The following GGT1 variants were observed in gnomAD, a reference collection of about 807,000 sequenced individuals.
The protein encoded by GGT1 is gamma-glutamyltransferase 1.
Under a neutral mutation model 56.0 loss-of-function variants are expected in GGT1, and 21 were observed. That is an observed-to-expected ratio of 0.38 (90% CI 0.27 to 0.54). The LOEUF (loss-of-function observed/expected upper bound fraction) is 0.54, where lower values mean the gene tolerates loss of function less well. GGT1 is among the 20% of genes least tolerant of loss of function. The pLI, the probability that GGT1 is intolerant of heterozygous loss-of-function variation, is 0.82. For missense variants in GGT1, 466 were observed against 787.0 expected, an observed-to-expected ratio of 0.59 and a Z score of 4.88; for synonymous variants, 238 against 342.6, an observed-to-expected ratio of 0.69 and a Z score of 3.37.
chr22:24,626,621 C>G (rs1281328026), intron 11 of GGT1, among the ~76,000 whole-genome samples: 11 of 151,768 alleles, frequency 7.2e-5, no homozygotes, highest in South Asian at 4.2e-4. Flanking sequence ...TCGGCGCCAT[C>G]CTTGATTCTT....
At chr22:24,610,108 A>G (rs548124690) in intron 3 of GGT1, 75 bp downstream of exon 3, 3 of 423,314 alleles carry the variant, frequency 7.1e-6, no homozygotes, top group East Asian at 7.6e-5. Context: ...TGCTGACCAC[A>G]TGCACATCCT....
chr22:24,589,786 G>T, the GGT1 span: 1 of 1,587,058 alleles, frequency 6.3e-7, no homozygotes, highest in Non-Finnish European at 8.6e-7. Context: ...GTCCACCACA[G>T]TGCCCAGCCC....
chr22:24,590,577 C>T (rs1007194968), upstream of GGT1, among the ~76,000 whole-genome samples: 4 of 152,210 alleles, frequency 2.6e-5, no homozygotes, highest in African/African-American at 2.4e-5. Context: ...TGGGGTCTTT[C>T]GTCTTATGGT....
chr22:24,602,888 T>C (rs1412059565), upstream of GGT1, among the ~76,000 whole-genome samples: 1 of 152,198 alleles, frequency 6.6e-6, no homozygotes, highest in African/African-American at 2.4e-5. Flanking sequence ...AGCCCAGCTC[T>C]GTGGCCCCAT....
At chr22:24,593,208 C>T (rs867922349), upstream of GGT1, 13 of 661,072 alleles carry the variant, frequency 2.0e-5, no homozygotes, top group African/African-American at 2.5e-4. Context: ...GTGGGTTCCT[C>T]GGTTTGGCCT....
In GGT1 at chr22:24,608,030, C is replaced by A. The variant is rs1463883029; in HGVS notation, c.-359+7C>A. On this transcript the variant is annotated splice_region_variant and intron_variant, in intron 2 of 15. Coordinates refer to ENST00000400382, the MANE Select transcript of GGT1 (RefSeq NM_001288833.2). ...CACTGTCCCCAGGCCTCAGGTAAGCCCATCAGGGTCCCAAGGAAGGGGGTC... is the reference window on the plus strand; with the variant it reads ...CACTGTCCCCAGGCCTCAGGTAAGCACATCAGGGTCCCAAGGAAGGGGGTC... 8 of 468,140 alleles carry A rather than the reference C, an allele frequency of 1.7e-5. No individual in the cohort carries two copies. The highest frequency in any genetic ancestry group is 3.1e-5 in the Non-Finnish European group (7 of 226,462). The allele number at this position is 468,140 out of a possible 1,614,324, so 29.0% of individuals were successfully genotyped here. A position where few individuals can be genotyped will look rare whatever the true frequency, so the allele number is the denominator to read the frequency against.
intron 5 of GGT1, among the ~76,000 whole-genome samples, chr22:24,611,596 ATCTACTAT>A (rs1306281743): frequency 3.5e-4 from 52 of 148,414 alleles, no homozygotes; most frequent in Non-Finnish European, 5.2e-4. Context: ...CTATCTATCT[ATCTACTAT>A]CTATCTATCT....
At chr22:24,592,388 T>TG (rs2045595484), upstream of GGT1, 2 of 470,702 alleles carry the variant, frequency 4.2e-6, no homozygotes, top group African/African-American at 4.0e-5. Flanking sequence ...AGACCAGCCC[T>TG]GGGTCCTCTC....
the GGT1 span, chr22:24,588,432 T>A: frequency 1.1e-6 from 1 of 897,944 alleles, no homozygotes; most frequent in South Asian, 1.5e-5. Context: ...GTGAGCACAG[T>A]CATGCACCAT....
At chr22:24,586,171 C>T in the GGT1 span, 110 of 1,613,488 alleles carry the variant, frequency 6.8e-5, no homozygotes, top group African/African-American at 8.7e-4. Context: ...CAGTGGCCCG[C>T]GTCAGTCGGT....
chr22:24,599,303 A>G (rs1477391837), upstream of GGT1: 1 of 151,788 alleles, frequency 6.6e-6, no homozygotes, highest in Non-Finnish European at 1.5e-5. Context: ...AGTCAGTGCA[A>G]AGTCCCAAAG....
intron 1 of GGT1, among the ~76,000 whole-genome samples, chr22:24,595,668 A>G (rs1212459924): frequency 6.6e-6 from 1 of 152,210 alleles, no homozygotes; most frequent in African/African-American, 2.4e-5. Context: ...CTAGGCTCCA[A>G]GTGGGACCTG....
At chr22:24,585,535 T>G in the GGT1 span, 2 of 309,562 alleles carry the variant, frequency 6.5e-6, no homozygotes, top group African/African-American at 4.3e-5. Context: ...GTGTGACCTT[T>G]GTCCCACCCT....
intron 7 of GGT1, among the ~76,000 whole-genome samples, chr22:24,616,262 T>A (rs553067842): frequency 1.7e-4 from 26 of 151,198 alleles, no homozygotes; most frequent in African/African-American, 5.6e-4. Context: ...AAAAGTACAA[T>A]AATTAGTCAG....
the GGT1 span, chr22:24,586,264 C>A: frequency 6.2e-7 from 1 of 1,613,746 alleles, no homozygotes; most frequent in Admixed American, 1.7e-5. Context: ...CACTCAGCCC[C>A]GTGAAGCTCA....
At chr22:24,595,917 G>T (rs1466820337) in intron 1 of GGT1, among the ~76,000 whole-genome samples, 4 of 152,232 alleles carry the variant, frequency 2.6e-5, no homozygotes, top group African/African-American at 9.6e-5. Context: ...TGTTACCTCA[G>T]CAAGTAGCTG....
In GGT1 at chr22:24,628,302, T is replaced by A; in HGVS notation, c.1477T>A (p.Tyr493Asn). The change falls in exon 15 of 16, where the codon TAT becomes AAT. Residue 493 changes from tyrosine (Y) to asparagine (N), a missense_variant. Transcript: ENST00000400382. This position sits in a 1 kb window ranked among gnomAD's most constrained non-coding sequence, Gnocchi z 5.7. Reference sequence around the variant, plus strand: ...CATCATCTACAACCTCTGGTTCGGCTATGACGTGAAGCGGGCCGTGGAGGA... The same window carrying A: ...CATCATCTACAACCTCTGGTTCGGCAATGACGTGAAGCGGGCCGTGGAGGA... ...LAIIYNLWFG[Y>N]DVKRAVEEPR... 6.2e-7 allele frequency: 1 copy of A among 1,611,850 alleles called. No individual in the cohort carries two copies. The highest frequency in any genetic ancestry group is 8.5e-7 in the Non-Finnish European group (1 of 1,179,826).
intron 1 of GGT1, among the ~76,000 whole-genome samples, chr22:24,606,452 G>T (rs1191513253): frequency 6.6e-6 from 1 of 152,132 alleles, no homozygotes; most frequent in Non-Finnish European, 1.5e-5. Flanking sequence ...GAGCCCTGTG[G>T]CTCTCCACTT....
At chr22:24,589,874 T>TG, upstream of GGT1, 1 of 1,613,896 alleles carries the variant, frequency 6.2e-7, no homozygotes, top group African/African-American at 1.3e-5. Flanking sequence ...TCATGGGAGA[T>TG]GGGGTCGACC....
Sources: allele counts gnomAD v4.1 joint callset (sites outside exome capture counted in the v4.1 genomes callset), GRCh38; gene constraint gnomAD v4.1.1; non-coding constraint Gnocchi (gnomAD v3.1); transcripts MANE v1.5; gene names NCBI Gene and HGNC (gene_info 2026-07-23, HGNC 2026-07-21).